Variants in GLIS1 observed in about 807,000 individuals in gnomAD.
GLIS1 encodes zinc finger protein GLIS1.
Under a neutral mutation model 63.8 loss-of-function variants are expected in GLIS1, and 24 were observed. The ratio of observed to expected loss-of-function variants is 0.38; its 90% CI spans 0.27 to 0.53. GLIS1 has a LOEUF of 0.53. Ranked by LOEUF, GLIS1 falls within the 20% of genes least tolerant of loss-of-function variation. The pLI is 0.85. For synonymous variants in GLIS1, 450 were observed against 482.5 expected, an observed-to-expected ratio of 0.93 and a Z score of 0.88; for missense variants, 1,036 against 1,074.1, an observed-to-expected ratio of 0.96 and a Z score of 0.50.
chr1:53,648,534 G>C (rs895843797), intron 2 of GLIS1, among the ~76,000 whole-genome samples: 29 of 152,192 alleles, frequency 1.9e-4, no homozygotes, highest in African/African-American at 7.0e-4. Context: ...ACACGTATAT[G>C]CACATCCTAA....
At chr1:53,546,139 G>A (rs1644696169) in intron 4 of GLIS1, among the ~76,000 whole-genome samples, 1 of 152,238 alleles carries the variant, frequency 6.6e-6, no homozygotes, top group Non-Finnish European at 1.5e-5. Context: ...TCCTCGCAGG[G>A]TGACGCCACC....
At position 53,515,923 on chromosome 1, in the gene GLIS1, C is replaced by A. The variant is rs556579374; in HGVS notation, c.1727-1142G>T. On this transcript the variant is annotated intron_variant, in intron 7 of 10. Coordinates refer to ENST00000628545, the MANE Select transcript of GLIS1 (RefSeq NM_001367484.1). Reference sequence around the variant, plus strand: ...TCCTCCAGCCTCGCTCTGGCTTCTCCGGGGCTCATCTCTCTAGGAAGTGGC... The same window carrying A: ...TCCTCCAGCCTCGCTCTGGCTTCTCAGGGGCTCATCTCTCTAGGAAGTGGC... Among the ~76,000 whole-genome samples, 215 of 152,024 alleles carry A rather than the reference C, an allele frequency of 1.4e-3. 2 individuals are homozygous for A. The highest frequency in any genetic ancestry group is 5.6e-3 in the South Asian group (27 of 4,806).
At chr1:53,624,358 T>G (rs1389875780) in intron 2 of GLIS1, among the ~76,000 whole-genome samples, 2 of 152,136 alleles carry the variant, frequency 1.3e-5, no homozygotes, top group African/African-American at 2.4e-5. Flanking sequence ...TGACCTTGAC[T>G]CCTATCTCAC....
chr1:53,506,877 C>G, intron 10 of GLIS1, 101 bp from the exon 11 acceptor site: 1 of 1,194,370 alleles, frequency 8.4e-7, no homozygotes. Context: ...AGGGTCATCC[C>G]CTCACAGTGT....
intron 2 of GLIS1, among the ~76,000 whole-genome samples, chr1:53,609,399 T>G (rs959852358): frequency 6.0e-5 from 9 of 149,892 alleles, no homozygotes; most frequent in Admixed American, 1.3e-4. Flanking sequence ...GCCTCCTGAG[T>G]AGCTGCGACT....
chr1:53,661,861 A>G (rs975064827), intron 2 of GLIS1, among the ~76,000 whole-genome samples: 10 of 152,192 alleles, frequency 6.6e-5, no homozygotes, highest in Non-Finnish European at 1.2e-4. Flanking sequence ...GTGAAGAGTC[A>G]TTCAACCCAG....
chr1:53,520,533 G>T, intron 7 of GLIS1, 101 bp downstream of exon 7: 1 of 1,321,452 alleles, frequency 7.6e-7, no homozygotes, highest in Non-Finnish European at 1.0e-6. Flanking sequence ...AACATGTCAT[G>T]CCCATGTGGG....
intron 10 of GLIS1, 81 bp from the exon 11 acceptor site, chr1:53,506,857 C>T: frequency 7.2e-7 from 1 of 1,385,256 alleles, no homozygotes; most frequent in Non-Finnish European, 9.8e-7. Context: ...AGGCCCCACC[C>T]CGCCTGCCCA....
intron 2 of GLIS1, among the ~76,000 whole-genome samples, chr1:53,678,867 A>G (rs1244174364): frequency 2.0e-5 from 3 of 152,240 alleles, no homozygotes; most frequent in African/African-American, 7.2e-5. Context: ...CTTCCCAGCC[A>G]GAGAATCTGC....
chr1:53,556,786 T>G (rs575861317), intron 4 of GLIS1, among the ~76,000 whole-genome samples: 1 of 148,636 alleles, frequency 6.7e-6, no homozygotes, highest in South Asian at 2.2e-4. Context: ...ACTGCAGGTA[T>G]GTGTGTATGT....
intron 2 of GLIS1, among the ~76,000 whole-genome samples, chr1:53,607,005 T>A (rs570968582): frequency 1.3e-3 from 199 of 152,238 alleles, no homozygotes; most frequent in Middle Eastern, 6.8e-3. Flanking sequence ...GGGTCACACA[T>A]GTGGGGGCAG....
At chr1:53,613,657 T>TC (rs1205366545) in intron 2 of GLIS1, among the ~76,000 whole-genome samples, 1 of 151,610 alleles carries the variant, frequency 6.6e-6, no homozygotes, top group African/African-American at 2.4e-5. Context: ...TTGGTGGTTT[T>TC]TTTTTCAGTT....
At chr1:53,725,690 C>A (rs1051083282) in intron 2 of GLIS1, among the ~76,000 whole-genome samples, 1 of 152,154 alleles carries the variant, frequency 6.6e-6, no homozygotes, top group African/African-American at 2.4e-5. Context: ...AGCGGGCATC[C>A]GATAAATATG....
At position 53,574,258 on chromosome 1, in the gene GLIS1, C is replaced by A. The variant is rs1432364545; in HGVS notation, c.1320+19850G>T. ...CTTTGGTCAGCTTCCCCTGCCACTG[C>A]CCCATCCAGCCTGCCTTCACCTCAG... On this transcript the variant is annotated intron_variant, in intron 4 of 10. Coordinates refer to ENST00000628545, the MANE Select transcript of GLIS1 (RefSeq NM_001367484.1). This position sits in a 1 kb window ranked among gnomAD's most constrained non-coding sequence, Gnocchi z 4.2. Among the ~76,000 whole-genome samples the A allele has an allele frequency of 1.3e-5, 2 of 152,228 alleles. No individual in the cohort carries two copies. Among genetic ancestry groups the A allele is most frequent in the African/African-American group, 4.8e-5 (2 of 41,460 alleles).
At position 53,520,691 on chromosome 1, in the gene GLIS1, G is replaced by A. The variant is rs1220466620; in HGVS notation, c.1669C>T (p.Gln557Ter). Residue 557 changes from glutamine (Q) to a stop codon, truncating the protein, a stop_gained, in exon 7 of 11, where the codon CAG becomes TAG. Coordinates refer to ENST00000628545, the MANE Select transcript of GLIS1 (RefSeq NM_001367484.1). LOFTEE classifies it high-confidence loss of function. The part of the protein sequence containing the change: ...LVLQQLHTST[Q>*]LAASDGKGGC... The stretch of plus-strand genomic sequence containing the variant: ...CCCTTGCCGTCGCTGGCAGCCAGCT[G>A]TGTGGACGTGTGGAGCTGCTGCAGG... 6.2e-7 allele frequency: 1 copy of A among 1,607,942 alleles called. No individual in the cohort carries two copies. The highest frequency in any genetic ancestry group is 1.3e-5 in the African/African-American group (1 of 75,004).
chr1:53,526,956 C>T lies in GLIS1; in HGVS notation c.1483-2069G>A, dbSNP rs1022405407. Among the ~76,000 whole-genome samples the T allele has an allele frequency of 6.6e-6, 1 of 152,232 alleles. No individual in the cohort carries two copies. The highest frequency in any genetic ancestry group is 6.5e-5 in the Admixed American group (1 of 15,292). On this transcript the variant is annotated intron_variant, in intron 5 of 10. Transcript: ENST00000628545. This position sits in a 1 kb window ranked among gnomAD's most constrained non-coding sequence, Gnocchi z 4.4. Reference sequence around the variant, plus strand: ...TCCCTCTGTCTGTAATGAGGACGCTCCGGGTGAGTCTGCCGTGCGGAGCCC... The same window carrying T: ...TCCCTCTGTCTGTAATGAGGACGCTTCGGGTGAGTCTGCCGTGCGGAGCCC...
At chr1:53,551,607 G>A (rs990849925) in intron 4 of GLIS1, among the ~76,000 whole-genome samples, 6 of 152,132 alleles carry the variant, frequency 3.9e-5, no homozygotes, top group East Asian at 1.9e-4. Context: ...GAAGCCCCGC[G>A]AAGGGGCTGC....
intron 2 of GLIS1, among the ~76,000 whole-genome samples, chr1:53,636,111 T>C (rs1210172343): frequency 6.6e-6 from 1 of 152,174 alleles, no homozygotes; most frequent in Non-Finnish European, 1.5e-5. Flanking sequence ...AGGAAAACTT[T>C]GGCATTAAAC....
At chr1:53,691,944 G>A (rs979519065) in intron 2 of GLIS1, among the ~76,000 whole-genome samples, 10 of 152,232 alleles carry the variant, frequency 6.6e-5, no homozygotes, top group South Asian at 4.2e-4. Flanking sequence ...CATGGCAGCA[G>A]CAAGGCCCAT....
Sources: allele counts gnomAD v4.1 joint callset (sites outside exome capture counted in the v4.1 genomes callset), GRCh38; gene constraint gnomAD v4.1.1; non-coding constraint Gnocchi (gnomAD v3.1); transcripts MANE v1.5; gene names NCBI Gene and HGNC (gene_info 2026-07-23, HGNC 2026-07-21).